MYH13: variants seen among roughly 807,000 people sequenced by gnomAD.
MYH13 encodes the protein myosin-13.
MYH13 carries 177 observed loss-of-function variants against 232.1 expected under a neutral mutation model. The ratio of observed to expected loss-of-function variants is 0.76; its 90% CI spans 0.67 to 0.86. The LOEUF (loss-of-function observed/expected upper bound fraction) is 0.86. Ranked by LOEUF, MYH13 falls within the 40% of genes least tolerant of loss-of-function variation. The probability of loss-of-function intolerance (pLI) is 0.00; values close to 1 mark genes in which losing one functional copy is unlikely to be tolerated. For missense variants in MYH13, 2,246 were observed against 2,405.9 expected, an observed-to-expected ratio of 0.93 and a Z score of 1.39; for synonymous variants, 884 against 923.5, an observed-to-expected ratio of 0.96 and a Z score of 0.78.
intron 12 of MYH13, among the ~76,000 whole-genome samples, chr17:10,349,709 A>G (rs1597386704): frequency 1.3e-5 from 2 of 152,020 alleles, no homozygotes; most frequent in South Asian, 4.1e-4. Context: ...AAAAAGGGAG[A>G]ATTATCCCAG....
chr17:10,348,630 A>G (rs2071685704), intron 12 of MYH13, among the ~76,000 whole-genome samples: 2 of 152,064 alleles, frequency 1.3e-5, no homozygotes, highest in Non-Finnish European at 2.9e-5. Flanking sequence ...CTGGGACCCT[A>G]CTGAGGTATA....
chr17:10,310,175 C>T (rs1270278597), intron 33 of MYH13, among the ~76,000 whole-genome samples: 2 of 150,926 alleles, frequency 1.3e-5, no homozygotes, highest in African/African-American at 4.9e-5. Context: ...AATGCAACCT[C>T]CACCCCCTGG....
chr17:10,320,549 C>CTGGGGAAG, intron 24 of MYH13, 53 bp from the exon 25 acceptor site: 11 of 1,570,890 alleles, frequency 7.0e-6, no homozygotes, highest in Non-Finnish European at 9.5e-6. Flanking sequence ...AGTGTTTGCC[C>CTGGGGAAG]CGTTTATCCA....
rs1906210527 is a variant in MYH13 at position 10,304,527 on chromosome 17, T to C, written c.5467-1029A>G. On this transcript the variant is annotated intron_variant, in intron 37 of 40. Coordinates refer to ENST00000252172, the MANE Select transcript of MYH13 (RefSeq NM_003802.3). This position sits in a 1 kb window ranked among gnomAD's most constrained non-coding sequence, Gnocchi z 5.3. Reference sequence around the variant, plus strand: ...CAGGTGAAACCTGCCCAACTGTTCATTGAACTTACAGCAGATCAAGTAACT... The same window carrying C: ...CAGGTGAAACCTGCCCAACTGTTCACTGAACTTACAGCAGATCAAGTAACT... 6.6e-6 allele frequency among the ~76,000 whole-genome samples: 1 copy of C among 152,194 alleles called. No homozygotes were observed. Among genetic ancestry groups the C allele is most frequent in the Admixed American group, 6.5e-5 (1 of 15,286 alleles).
intron 20 of MYH13, among the ~76,000 whole-genome samples, chr17:10,331,694 C>G (rs1907412101): frequency 6.6e-6 from 1 of 152,148 alleles, no homozygotes; most frequent in Admixed American, 6.6e-5. Context: ...CTACTTCAGC[C>G]TCCCAAAAGC....
intron 11 of MYH13, among the ~76,000 whole-genome samples, chr17:10,352,537 C>T (rs1200736133): frequency 6.6e-6 from 1 of 151,596 alleles, no homozygotes; most frequent in Non-Finnish European, 1.5e-5. Flanking sequence ...TGCAGTGAGC[C>T]GAGATCGCAC....
chr17:10,371,330 T>G (rs1337286800), intron 1 of MYH13, 71 bp from the exon 2 acceptor site: 1 of 152,142 alleles, frequency 6.6e-6, no homozygotes, highest in Non-Finnish European at 1.5e-5. Context: ...TAAATAAATA[T>G]AGAAACCATG....
intron 21 of MYH13, among the ~76,000 whole-genome samples, chr17:10,328,325 TAGG>T (rs1302842323): frequency 3.3e-5 from 5 of 152,114 alleles, no homozygotes; most frequent in Admixed American, 6.5e-5. Context: ...GGTTGGAAGG[TAGG>T]AGAGGGCGTG....
chr17:10,352,882 G>A (rs2071721130), intron 11 of MYH13, among the ~76,000 whole-genome samples: 1 of 152,220 alleles, frequency 6.6e-6, no homozygotes, highest in African/African-American at 2.4e-5. Flanking sequence ...AAATTAGTAT[G>A]TAAACAAACT....
chr17:10,301,070 A>C (rs887216259), intron 40 of MYH13, 105 bp from the exon 41 acceptor site: 3 of 1,012,774 alleles, frequency 3.0e-6, no homozygotes, highest in South Asian at 1.3e-5. Context: ...CTTCAGAGGA[A>C]TATTAAGGAA....
At chr17:10,365,247 A>G (rs1415615805) in intron 2 of MYH13, among the ~76,000 whole-genome samples, 2 of 152,228 alleles carry the variant, frequency 1.3e-5, no homozygotes, top group African/African-American at 4.8e-5. Context: ...TCTTAAGAAT[A>G]TTTGAAAATC....
chr17:10,333,973 C>T (rs1015900386), intron 18 of MYH13, among the ~76,000 whole-genome samples: 2 of 151,264 alleles, frequency 1.3e-5, no homozygotes, highest in African/African-American at 4.8e-5. Context: ...GGGCGGCGGT[C>T]ATCTGCTGAC....
chr17:10,309,877 T>A, intron 33 of MYH13, 47 bp from the exon 34 acceptor site: 1 of 1,459,352 alleles, frequency 6.9e-7, no homozygotes, highest in Non-Finnish European at 9.2e-7. Context: ...ACATCCACCT[T>A]CATGAATGGG....
intron 27 of MYH13, chr17:10,317,768 G>T (rs932311999): frequency 6.6e-6 from 1 of 152,186 alleles, no homozygotes; most frequent in Non-Finnish European, 1.5e-5. Flanking sequence ...GCTGCAGAAG[G>T]TTCAAGGGAA....
At position 10,324,127 on chromosome 17, in the gene MYH13, C is replaced by G. The variant is rs1392431531; in HGVS notation, c.2829G>C (p.Lys943Asn). 5 of 1,613,862 alleles carry G rather than the reference C, an allele frequency of 3.1e-6. No individual in the cohort carries two copies. Among genetic ancestry groups the G allele is most frequent in the East Asian group, 2.2e-5 (1 of 44,886 alleles). Residue 943 changes from lysine (K) to asparagine (N), a missense_variant, in exon 23 of 41, where the codon AAG becomes AAC. By Grantham distance (94) the Lys-to-Asn change is moderately conservative. Transcript: ENST00000252172. ...EEEMNSELVA[K>N]KRNLEDKCSS... ...AGCATTTATCTTCCAGATTCCTCTT[C>G]TTGGCAACCAATTCAGAATTCATCT...
intron 16 of MYH13, among the ~76,000 whole-genome samples, chr17:10,342,743 C>A (rs2071627771): frequency 6.6e-6 from 1 of 152,102 alleles, no homozygotes; most frequent in Admixed American, 6.5e-5. Flanking sequence ...CCCAGATAGG[C>A]AAATCTACAG....
intron 23 of MYH13, among the ~76,000 whole-genome samples, chr17:10,323,187 G>A (rs1907041034): frequency 6.6e-6 from 1 of 152,120 alleles, no homozygotes; most frequent in Non-Finnish European, 1.5e-5. Context: ...ACACCCAGGA[G>A]CAGAATTGCT....
rs149062328 is a variant in MYH13, at chr17:10,372,659, A to G, written c.-64+320T>C. On this transcript the variant is annotated intron_variant, in intron 1 of 40. Transcript: ENST00000252172. ...AGAGATACCACAAGTTACCAAGTTA[A>G]TTTGCTAACTGAACAGTATAACATT... Among the ~76,000 whole-genome samples the G allele has an allele frequency of 2.1e-4, 32 of 152,358 alleles. No individual in the cohort carries two copies. The East Asian group carries it at 5.4e-3, about 26-fold the overall frequency.
At chr17:10,327,508 T>A (rs1006858117) in intron 22 of MYH13, among the ~76,000 whole-genome samples, 17 of 152,140 alleles carry the variant, frequency 1.1e-4, no homozygotes, top group Non-Finnish European at 1.8e-4. Context: ...TACTTTGAAT[T>A]GGGTTATTTA....
Sources: allele counts gnomAD v4.1 joint callset (sites outside exome capture counted in the v4.1 genomes callset), GRCh38; gene constraint gnomAD v4.1.1; non-coding constraint Gnocchi (gnomAD v3.1); transcripts MANE v1.5; gene names NCBI Gene and HGNC (gene_info 2026-07-23, HGNC 2026-07-21).